The following C9 variants were observed in gnomAD, a reference collection of about 807,000 sequenced individuals.
C9 encodes complement component C9.
A neutral mutation model predicts 65.4 loss-of-function variants in C9; 63 were observed. That is an observed-to-expected ratio of 0.96 (90% confidence interval 0.79 to 1.19). The LOEUF (loss-of-function observed/expected upper bound fraction) is 1.19, where lower values mean the gene tolerates loss of function less well. C9 is among the 50% of genes most tolerant of loss of function. C9 has a pLI of 0.00. For missense variants in C9, 744 were observed against 670.1 expected, an observed-to-expected ratio of 1.11 and a Z score of -1.22; for synonymous variants, 229 against 227.9, an observed-to-expected ratio of 1.00 and a Z score of -0.04.
At chr5:39,326,621 G>A (rs1753751316) in intron 5 of C9, among the ~76,000 whole-genome samples, 1 of 152,166 alleles carries the variant, frequency 6.6e-6, no homozygotes, top group Non-Finnish European at 1.5e-5. Flanking sequence ...TTTAACCCCT[G>A]CCTATGACTT....
chr5:39,311,791 G>T (rs1462499788), intron 6 of C9, among the ~76,000 whole-genome samples: 1 of 152,078 alleles, frequency 6.6e-6, no homozygotes, highest in African/African-American at 2.4e-5. Flanking sequence ...TGTCCATCAA[G>T]AGAGAAATCA....
chr5:39,311,001 A>C (rs1753472039), intron 7 of C9, 136 bp downstream of exon 7: 3 of 947,166 alleles, frequency 3.2e-6, no homozygotes, highest in Non-Finnish European at 5.0e-6. Flanking sequence ...GCCAAAGGGC[A>C]GGAAGAGAGT....
chr5:39,348,701 G>T (rs1368497280), intron 1 of C9, among the ~76,000 whole-genome samples: 1 of 152,170 alleles, frequency 6.6e-6, no homozygotes, highest in Non-Finnish European at 1.5e-5. Context: ...AAGTCATGCT[G>T]CTATAAAGGC....
At chr5:39,319,315 T>C (rs560815231) in intron 5 of C9, among the ~76,000 whole-genome samples, 1 of 152,314 alleles carries the variant, frequency 6.6e-6, no homozygotes, top group African/African-American at 2.4e-5. Flanking sequence ...TCTAGTTACA[T>C]CCCAGCACCC....
chr5:39,311,092 T>C (rs781466974), intron 7 of C9, 45 bp downstream of exon 7: 7 of 1,604,626 alleles, frequency 4.4e-6, no homozygotes, highest in Non-Finnish European at 6.0e-6. Context: ...AAATAATGTT[T>C]GGTCAAAACA....
chr5:39,294,476 A>C (rs145767039), intron 9 of C9, among the ~76,000 whole-genome samples: 1,681 of 151,978 alleles, frequency 0.011, 33 homozygotes, highest in African/African-American at 0.038. Context: ...AAAATGGATA[A>C]ATTTCTAGAC....
At chr5:39,301,593 C>T (rs565517679) in intron 9 of C9, among the ~76,000 whole-genome samples, 11 of 152,180 alleles carry the variant, frequency 7.2e-5, no homozygotes, top group South Asian at 4.1e-4. Flanking sequence ...TACTATTCTG[C>T]AATATTACTT....
At chr5:39,357,786 A>G (rs1041293568) in intron 1 of C9, among the ~76,000 whole-genome samples, 4 of 152,188 alleles carry the variant, frequency 2.6e-5, no homozygotes, top group Non-Finnish European at 5.9e-5. Flanking sequence ...GTGTGCTTCT[A>G]TTGAAGTTGG....
At chr5:39,297,626 T>G (rs965339446) in intron 9 of C9, among the ~76,000 whole-genome samples, 1 of 151,632 alleles carries the variant, frequency 6.6e-6, no homozygotes, top group Non-Finnish European at 1.5e-5. Flanking sequence ...ATAATATTGT[T>G]AGGAATAAAA....
intron 1 of C9, among the ~76,000 whole-genome samples, chr5:39,358,591 G>A (rs1369797097): frequency 6.6e-6 from 1 of 152,178 alleles, no homozygotes; most frequent in Non-Finnish European, 1.5e-5. Context: ...CTACTGGGGA[G>A]TGGACAAAAA....
chr5:39,310,352 C>T (rs765942213), intron 7 of C9, among the ~76,000 whole-genome samples: 1 of 152,158 alleles, frequency 6.6e-6, no homozygotes, highest in Non-Finnish European at 1.5e-5. Context: ...TGGCATCCAT[C>T]ACCTCCTTAA....
At chr5:39,300,160 C>T (rs1180313131) in intron 9 of C9, among the ~76,000 whole-genome samples, 1 of 152,012 alleles carries the variant, frequency 6.6e-6, no homozygotes, top group Non-Finnish European at 1.5e-5. Context: ...TGGCTGCAAT[C>T]CCAGCACTTT....
At chr5:39,298,526 T>A (rs1348494196) in intron 9 of C9, among the ~76,000 whole-genome samples, 2 of 151,618 alleles carry the variant, frequency 1.3e-5, no homozygotes, top group African/African-American at 2.4e-5. Flanking sequence ...AATGGAAAAA[T>A]TCCTTGAAAG....
intron 5 of C9, among the ~76,000 whole-genome samples, chr5:39,331,220 AAGAGG>A (rs1753833378): frequency 6.6e-6 from 1 of 152,152 alleles, no homozygotes; most frequent in Non-Finnish European, 1.5e-5. Flanking sequence ...AATCATTTTC[AAGAGG>A]TAGAGGAGTT....
At chr5:39,338,133 C>T (rs1478307769) in intron 4 of C9, among the ~76,000 whole-genome samples, 1 of 152,096 alleles carries the variant, frequency 6.6e-6, no homozygotes, top group African/African-American at 2.4e-5. Flanking sequence ...AAACCTCTTC[C>T]TAAATATTAA....
intron 5 of C9, among the ~76,000 whole-genome samples, chr5:39,324,904 G>A (rs1170111203): frequency 6.6e-6 from 1 of 152,174 alleles, no homozygotes; most frequent in African/African-American, 2.4e-5. Flanking sequence ...GGGCTTGCAT[G>A]TTCTAGGAGG....
At chr5:39,363,976 A>G (rs559153137) in intron 1 of C9, among the ~76,000 whole-genome samples, 9 of 152,314 alleles carry the variant, frequency 5.9e-5, no homozygotes, top group African/African-American at 1.9e-4. Flanking sequence ...TGTGGAGGCA[A>G]AAGGGTGATG....
At chr5:39,341,520 G>A (rs1754082307) in intron 3 of C9, 36 bp downstream of exon 3, 20 of 1,609,076 alleles carry the variant, frequency 1.2e-5, no homozygotes, top group Non-Finnish European at 1.7e-5. Context: ...AAGGCACACA[G>A]AAAGCCACAA....
At chr5:39,302,338 A>C (rs532787763) in intron 9 of C9, among the ~76,000 whole-genome samples, 1 of 152,246 alleles carries the variant, frequency 6.6e-6, no homozygotes, top group South Asian at 2.1e-4. Flanking sequence ...GTAGGATATA[A>C]TCTACCATAA....
Sources: allele counts gnomAD v4.1 joint callset (sites outside exome capture counted in the v4.1 genomes callset), GRCh38; gene constraint gnomAD v4.1.1; transcripts MANE v1.5; gene names NCBI Gene and HGNC (gene_info 2026-07-23, HGNC 2026-07-21).